SLC25A33: variants seen among roughly 807,000 people sequenced by gnomAD.
SLC25A33 encodes the protein bone marrow stromal cell mitochondrial carrier protein.
SLC25A33 carries 15 observed loss-of-function variants against 35.5 expected under a neutral mutation model. The observed-to-expected ratio is 0.42, with a 90% CI of 0.28 to 0.65. SLC25A33 has a LOEUF of 0.65. Ranked by LOEUF, SLC25A33 falls within the 30% of genes least tolerant of loss-of-function variation. The pLI, the probability that SLC25A33 is intolerant of heterozygous loss-of-function variation, is 0.20. For missense variants in SLC25A33, 257 were observed against 398.5 expected, an observed-to-expected ratio of 0.64 and a Z score of 3.02; for synonymous variants, 136 against 148.7, an observed-to-expected ratio of 0.91 and a Z score of 0.62.
At chr1:9,575,897 C>G in intron 5 of SLC25A33, among the ~76,000 whole-genome samples, 1 of 152,184 alleles carries the variant, frequency 6.6e-6, no homozygotes, top group East Asian at 1.9e-4. Context: ...ATGTCATGTG[C>G]TTTTATTGCT....
At chr1:9,555,101 C>A in intron 2 of SLC25A33, among the ~76,000 whole-genome samples, 1 of 145,402 alleles carries the variant, frequency 6.9e-6, no homozygotes, top group East Asian at 2.1e-4. Flanking sequence ...AAAAACAACG[C>A]ATTTAGCACT....
intron 5 of SLC25A33, among the ~76,000 whole-genome samples, chr1:9,573,855 C>T (rs948493821): frequency 6.6e-6 from 1 of 152,174 alleles, no homozygotes; most frequent in Non-Finnish European, 1.5e-5. Context: ...AGGTTTCTAC[C>T]CTCAAGCTCC....
At chr1:9,558,986 T>C (rs926003517) in intron 2 of SLC25A33, among the ~76,000 whole-genome samples, 2 of 152,154 alleles carry the variant, frequency 1.3e-5, no homozygotes, top group African/African-American at 4.8e-5. Flanking sequence ...CATCTCCTAT[T>C]TTCCCCTTTG....
At chr1:9,545,979 A>G (rs2100368743) in intron 1 of SLC25A33, among the ~76,000 whole-genome samples, 1 of 151,694 alleles carries the variant, frequency 6.6e-6, no homozygotes, top group East Asian at 2.0e-4. Context: ...CAGAAAAGGA[A>G]TACATAGTTG....
intron 2 of SLC25A33, among the ~76,000 whole-genome samples, chr1:9,565,757 A>ACT (rs1643492283): frequency 6.6e-6 from 1 of 151,070 alleles, no homozygotes; most frequent in Non-Finnish European, 1.5e-5. Flanking sequence ...GGGTGCCTGT[A>ACT]GTCCCAGCTG....
chr1:9,547,833 C>A (rs1039425121), intron 1 of SLC25A33, among the ~76,000 whole-genome samples: 6 of 148,608 alleles, frequency 4.0e-5, no homozygotes, highest in African/African-American at 1.5e-4. Flanking sequence ...TTGTGGGTTT[C>A]TTGTTTGTTT....
At chr1:9,572,937 G>A (rs1173014277) in intron 4 of SLC25A33, among the ~76,000 whole-genome samples, 3 of 151,758 alleles carry the variant, frequency 2.0e-5, no homozygotes, top group African/African-American at 7.3e-5. Flanking sequence ...AAGAGATGGA[G>A]AAGGCATACT....
chr1:9,542,289 A>G (rs931191985), intron 1 of SLC25A33, among the ~76,000 whole-genome samples: 1 of 152,118 alleles, frequency 6.6e-6, no homozygotes, highest in Non-Finnish European at 1.5e-5. Flanking sequence ...GATGGAGTAC[A>G]TCTGCAGTGG....
At chr1:9,579,855 C>T (rs749678527) in intron 5 of SLC25A33, 99 bp from the exon 6 acceptor site, 2 of 1,358,322 alleles carry the variant, frequency 1.5e-6, no homozygotes, top group Non-Finnish European at 2.0e-6. Flanking sequence ...AGTATCCTAA[C>T]ACCATAAGGA....
intron 2 of SLC25A33, among the ~76,000 whole-genome samples, chr1:9,562,264 C>T (rs1217183102): frequency 6.9e-6 from 1 of 145,190 alleles, no homozygotes; most frequent in African/African-American, 2.6e-5. Flanking sequence ...AGGAGAATCA[C>T]TTGAGCCTGG....
chr1:9,564,739 A>AAAATATATATATAT (rs60174872), intron 2 of SLC25A33, among the ~76,000 whole-genome samples: 11 of 96,536 alleles, frequency 1.1e-4, no homozygotes, highest in African/African-American at 4.0e-4. Flanking sequence ...AAAAAAAAAA[A>AAAATATATATATAT]ATATATATAT....
Position 9,582,429 on chromosome 1 carries a change from G to C in SLC25A33, c.894G>C (p.Gln298His), listed in dbSNP as rs1643759161. The change falls in exon 7 of 7, where the codon CAG becomes CAC. Residue 298 changes from glutamine to histidine, a missense_variant. By Grantham distance (24) the Gln-to-His change is conservative. Transcript: ENST00000302692. This position sits in a 1 kb window ranked among gnomAD's most constrained non-coding sequence, Gnocchi z 4.0. ...YRGLFAQLIR[Q>H]IPNTAIVLST... ...GACTGTTTGCCCAGCTTATCCGGCA[G>C]ATCCCAAATACTGCCATTGTGTTGT... The C allele has an allele frequency of 6.2e-7, 1 of 1,613,990 alleles. No homozygotes were observed. Among genetic ancestry groups the C allele is most frequent in the Non-Finnish European group, 8.5e-7 (1 of 1,179,874 alleles).
rs72867822 is a variant in SLC25A33 at position 9,579,671 on chromosome 1, C to T, written c.483-283C>T. ...AAGCTTCATGTCAGCAGCATTCCTT[C>T]TCCCAGAGATAGGAGGGGACTCTCA... On this transcript the variant is annotated intron_variant, in intron 5 of 6. Coordinates refer to ENST00000302692, the MANE Select transcript of SLC25A33 (RefSeq NM_032315.3). Among the ~76,000 whole-genome samples the T allele has an allele frequency of 8.4e-3, 1,274 of 152,236 alleles. 12 individuals are homozygous for T. Among genetic ancestry groups the T allele is most frequent in the African/African-American group, 0.029 (1,194 of 41,532 alleles).
chr1:9,580,684 C>T (rs374150575), intron 6 of SLC25A33, among the ~76,000 whole-genome samples: 6 of 151,934 alleles, frequency 3.9e-5, no homozygotes, highest in African/African-American at 1.2e-4. Context: ...GGTGAAACCC[C>T]GTCTCTACTA....
chr1:9,562,123 G>A (rs112324731), intron 2 of SLC25A33, among the ~76,000 whole-genome samples: 12,017 of 151,458 alleles, frequency 0.079, 688 homozygotes, highest in East Asian at 0.2. Flanking sequence ...TGAGGTGGGC[G>A]GATCACCTGA....
At position 9,567,290 on chromosome 1, in the gene SLC25A33, C is replaced by A. The variant is rs1643522198; in HGVS notation, c.243C>A (p.Ile81=). The change falls in exon 3 of 7, where the codon ATC becomes ATA. Residue 81 remains isoleucine, a synonymous_variant. Transcript: ENST00000302692. ...GTCTTTTCTTATTATTCAGGTCGAT[C>A]TTGGAGAAAGAGGGACCAAAGTCAC... ...TPGLFQVLKS[I]LEKEGPKSLF... The A allele has an allele frequency of 6.2e-7, 1 of 1,613,736 alleles. No homozygotes were observed. The highest frequency in any genetic ancestry group is 1.7e-5 in the Admixed American group (1 of 59,974).
chr1:9,577,719 A>G (rs1013370452), intron 5 of SLC25A33, among the ~76,000 whole-genome samples: 5 of 152,000 alleles, frequency 3.3e-5, no homozygotes, highest in Non-Finnish European at 7.4e-5. Context: ...TGGAGGATGG[A>G]GGTAGGGGGT....
chr1:9,576,953 GA>G, intron 5 of SLC25A33: 5 of 1,273,912 alleles, frequency 3.9e-6, no homozygotes, highest in African/African-American at 1.5e-5. Context: ...CTATGTCTCT[GA>G]AAAAGGAACT....
chr1:9,567,451 G>A (rs1012202934), intron 3 of SLC25A33, 90 bp downstream of exon 3: 9 of 1,212,976 alleles, frequency 7.4e-6, no homozygotes, highest in Non-Finnish European at 9.4e-6. Context: ...TGAATGACCA[G>A]TGTCTTTTTC....
Sources: allele counts gnomAD v4.1 joint callset (sites outside exome capture counted in the v4.1 genomes callset), GRCh38; gene constraint gnomAD v4.1.1; non-coding constraint Gnocchi (gnomAD v3.1); transcripts MANE v1.5; gene names NCBI Gene and HGNC (gene_info 2026-07-23, HGNC 2026-07-21).